EPHA8: variants seen among roughly 807,000 people sequenced by gnomAD.
EPHA8 encodes the protein EPH receptor A8, also known as ephrin type-A receptor 8.
Under a neutral mutation model 103.6 loss-of-function variants are expected in EPHA8, and 58 were observed. The observed-to-expected ratio is 0.56, with a 90% CI of 0.45 to 0.70. The LOEUF (loss-of-function observed/expected upper bound fraction) is 0.70, where lower values mean the gene tolerates loss of function less well. Ranked by LOEUF, EPHA8 falls within the 30% of genes least tolerant of loss-of-function variation. EPHA8 has a pLI of 0.00. For missense variants in EPHA8, 1,304 were observed against 1,395.2 expected (o/e 0.93, Z 1.04); for synonymous variants, 559 against 572.5 (o/e 0.98, Z 0.34).
chr1:22,579,271 CAG>C (rs907415863), intron 3 of EPHA8, among the ~76,000 whole-genome samples: 19 of 147,078 alleles, frequency 1.3e-4, no homozygotes, highest in East Asian at 4.1e-4. Flanking sequence ...GTGCATGTGT[CAG>C]AGTGTATATA....
intron 1 of EPHA8, among the ~76,000 whole-genome samples, chr1:22,565,120 C>T (rs777044264): frequency 3.3e-5 from 5 of 152,190 alleles, no homozygotes; most frequent in Non-Finnish European, 7.4e-5. Flanking sequence ...TGTACATGCA[C>T]GTACAGATGC....
rs1641597315 is a variant in EPHA8, at chr1:22,598,896, C to T, written c.2237C>T (p.Ala746Val). The change falls in exon 13 of 17, where the codon GCC becomes GTC. Residue 746 changes from alanine (A) to valine (V), a missense_variant. Transcript: ENST00000166244. This position sits in a 1 kb window ranked among gnomAD's most constrained non-coding sequence, Gnocchi z 5.1. ...GTGGGCATGCTGAGAGGAGTGGGTG[C>T]CGGCATGCGCTACCTCTCAGACCTG... Reference protein sequence around the residue: ...QLVGMLRGVGAGMRYLSDLGY... With the variant: ...QLVGMLRGVGVGMRYLSDLGY... 6.2e-7 allele frequency: 1 copy of T among 1,612,980 alleles called. No homozygotes were observed. The highest frequency in any genetic ancestry group is 8.5e-7 in the Non-Finnish European group (1 of 1,179,958).
At chr1:22,572,731 G>A (rs532591818) in intron 2 of EPHA8, among the ~76,000 whole-genome samples, 2 of 152,366 alleles carry the variant, frequency 1.3e-5, no homozygotes, top group Middle Eastern at 3.4e-3. Flanking sequence ...CAGCTGGTTC[G>A]CTGCATTCTG....
rs1275244865 is a variant in EPHA8 at position 22,589,813 on chromosome 1, C to A, written c.1315+607C>A. ...TCAAGTGACAGCGTGACCCAAGAGC[C>A]CTCCTAGGGCAGCTTCCTATTAACA... On this transcript the variant is annotated intron_variant, in intron 5 of 16. Coordinates refer to ENST00000166244, the MANE Select transcript of EPHA8 (RefSeq NM_020526.5). The surrounding 1 kb of genome is among the most constrained non-coding windows in gnomAD (Gnocchi z 4.3). Among the ~76,000 whole-genome samples, 1 of 151,992 alleles carries A rather than the reference C, an allele frequency of 6.6e-6. No homozygotes were observed. The highest frequency in any genetic ancestry group is 1.5e-5 in the Non-Finnish European group (1 of 67,980).
intron 3 of EPHA8, among the ~76,000 whole-genome samples, chr1:22,578,970 CAT>C (rs1182965116): frequency 6.5e-5 from 9 of 138,318 alleles, no homozygotes; most frequent in Non-Finnish European, 1.3e-4. Context: ...TGTGTATGTT[CAT>C]GTGTGTGAGT....
chr1:22,593,625 C>G lies in EPHA8; in HGVS notation c.1542C>G (p.Ala514=). The change falls in exon 7 of 17, where the codon GCC becomes GCG. Residue 514 remains alanine, a synonymous_variant. Transcript: ENST00000166244. The stretch of plus-strand genomic sequence containing the variant: ...CCCGCTACGTGTTCCAGGTCCGAGC[C>G]CGCACCTCAGCAGGCTGTGGCCGCT... ...PGTRYVFQVR[A]RTSAGCGRFS... 1 of 1,609,098 alleles carries G rather than the reference C, an allele frequency of 6.2e-7. No individual in the cohort carries two copies. The highest frequency in any genetic ancestry group is 8.5e-7 in the Non-Finnish European group (1 of 1,178,184).
intron 3 of EPHA8, among the ~76,000 whole-genome samples, chr1:22,578,167 T>TGC (rs1557559710): frequency 2.7e-5 from 2 of 73,368 alleles, no homozygotes; most frequent in Non-Finnish European, 6.1e-5. Context: ...TGCATGAGTG[T>TGC]ATGTGTGCAT....
intron 7 of EPHA8, among the ~76,000 whole-genome samples, chr1:22,594,287 A>T (rs1161610920): frequency 6.6e-6 from 1 of 152,242 alleles, no homozygotes; most frequent in African/African-American, 2.4e-5. Context: ...ATTTGCACAG[A>T]TGAAAAACCG....
rs1236090996 is a variant in EPHA8, at chr1:22,601,393, C to T, written c.2823C>T (p.Ser941=). The part of the protein sequence containing the change: ...GGLTVGDWLD[S]IRMGRYRDHF... Reference sequence around the variant, plus strand: ...TCACCGTGGGGGACTGGCTGGACTCCATCCGCATGGGCCGGTACCGAGACC... The same window carrying T: ...TCACCGTGGGGGACTGGCTGGACTCTATCCGCATGGGCCGGTACCGAGACC... Residue 941 remains serine, a synonymous_variant, in exon 16 of 17, where the codon TCC becomes TCT. Transcript: ENST00000166244. 6.2e-7 allele frequency: 1 copy of T among 1,611,526 alleles called. No individual in the cohort carries two copies. Among genetic ancestry groups the T allele is most frequent in the Non-Finnish European group, 8.5e-7 (1 of 1,179,762 alleles).
chr1:22,579,567 C>A (rs900530627), intron 3 of EPHA8, among the ~76,000 whole-genome samples: 28 of 152,174 alleles, frequency 1.8e-4, no homozygotes, highest in Admixed American at 1.5e-3. Flanking sequence ...GAACACTAAG[C>A]AAGCTTGTGT....
chr1:22,576,667 T>G lies in EPHA8; in HGVS notation c.610T>G (p.Cys204Gly). Residue 204 changes from cysteine to glycine, a missense_variant, in exon 3 of 17, where the codon TGC (cysteine) becomes GGC (glycine). Coordinates refer to ENST00000166244, the MANE Select transcript of EPHA8 (RefSeq NM_020526.5). The surrounding 1 kb of genome is among the most constrained non-coding windows in gnomAD (Gnocchi z 4.8). ...CTCTCTCCGCATCTACTATAAGAAGTGCCCTGCCATGGTGCGCAATCTGGC... is the reference window on the plus strand; with the variant it reads ...CTCTCTCCGCATCTACTATAAGAAGGGCCCTGCCATGGTGCGCAATCTGGC... ...ILSLRIYYKK[C>G]PAMVRNLAAF... 1 of 1,613,750 alleles carries G rather than the reference T, an allele frequency of 6.2e-7. No individual in the cohort carries two copies. Among genetic ancestry groups the G allele is most frequent in the Non-Finnish European group, 8.5e-7 (1 of 1,180,006 alleles).
chr1:22,600,093 GAGGA>G (rs1181804098), intron 13 of EPHA8, among the ~76,000 whole-genome samples: 2 of 117,900 alleles, frequency 1.7e-5, no homozygotes, highest in East Asian at 2.9e-4. Context: ...GGGAGGGAGG[GAGGA>G]AGGAGAGAAG....
At position 22,597,889 on chromosome 1, in the gene EPHA8, C is replaced by T. The variant is rs532569725; in HGVS notation, c.2116+28C>T. On this transcript the variant is annotated intron_variant, in intron 11 of 16. Transcript: ENST00000166244. The surrounding 1 kb of genome is among the most constrained non-coding windows in gnomAD (Gnocchi z 4.6). ...AGGTGCCGGGCAAAGACAGCCTCCC[C>T]CTGCAGTGCCCCTCCTGCCTGGAGA... The T allele has an allele frequency of 6.3e-7, 1 of 1,591,604 alleles. No homozygotes were observed. Among genetic ancestry groups the T allele is most frequent in the Admixed American group, 1.7e-5 (1 of 58,780 alleles).
Position 22,589,242 on chromosome 1 carries a change from C to T in EPHA8, c.1315+36C>T. 1 of 1,613,986 alleles carries T rather than the reference C, an allele frequency of 6.2e-7. No homozygotes were observed. Among genetic ancestry groups the T allele is most frequent in the South Asian group, 1.1e-5 (1 of 91,074 alleles). ...AAACTCCGTCCCGCAGCGTCCTGGTCCCCCAGCTTCCCCTGCCTCAGACCC... is the reference window on the plus strand; with the variant it reads ...AAACTCCGTCCCGCAGCGTCCTGGTTCCCCAGCTTCCCCTGCCTCAGACCC... On this transcript the variant is annotated intron_variant, in intron 5 of 16. Transcript: ENST00000166244. The surrounding 1 kb of genome is among the most constrained non-coding windows in gnomAD (Gnocchi z 4.3).
At position 22,597,416 on chromosome 1, in the gene EPHA8, C is replaced by T. The variant is rs1333072744; in HGVS notation, c.1870C>T (p.Arg624Cys). 2.7e-5 allele frequency: 43 copies of T among 1,613,416 alleles called. No homozygotes were observed. The highest frequency in any genetic ancestry group is 2.2e-4 in the East Asian group (10 of 44,888). Residue 624 changes from arginine to cysteine, a missense_variant, in exon 10 of 17, where the codon CGC becomes TGC. By Grantham distance (180) the Arg-to-Cys change is radical (BLOSUM62 -3). Transcript: ENST00000166244. The surrounding 1 kb of genome is among the most constrained non-coding windows in gnomAD (Gnocchi z 4.6). ...HTYEEPGRAG[R>C]SFTREIEASR... is the part of the protein sequence containing the mutation. ...CTACGAGGAGCCAGGCCGGGCGGGC[C>T]GCAGTTTCACTCGGGAGATCGAGGC...
At chr1:22,575,202 C>T (rs1293513963) in intron 2 of EPHA8, among the ~76,000 whole-genome samples, 3 of 152,206 alleles carry the variant, frequency 2.0e-5, no homozygotes, top group African/African-American at 4.8e-5. Context: ...CCACCTGCTT[C>T]GGCCTCCCAA....
intron 13 of EPHA8, among the ~76,000 whole-genome samples, chr1:22,599,725 AGGGAAGGAAGGAGG>A (rs1641640418): frequency 6.9e-4 from 1 of 1,442 alleles, no homozygotes; most frequent in African/African-American, 1.1e-3. Context: ...GAAGGGAGGG[AGGGAAGGAAGGAGG>A]GAGGGAGGAA....
At position 22,567,312 on chromosome 1, in the gene EPHA8, C is replaced by T. The variant is rs1010303410; in HGVS notation, c.95-1977C>T. ...TCTCCCCAAACTCGGCTTTGCTGGT[C>T]TGGGGGAAACTGCAGTGCGGCCCCC... On this transcript the variant is annotated intron_variant, in intron 1 of 16. Transcript: ENST00000166244. The surrounding 1 kb of genome is among the most constrained non-coding windows in gnomAD (Gnocchi z 4.2). Among the ~76,000 whole-genome samples the T allele has an allele frequency of 1.3e-5, 2 of 152,146 alleles. No homozygotes were observed. Among genetic ancestry groups the T allele is most frequent in the African/African-American group, 4.8e-5 (2 of 41,432 alleles).
In EPHA8 at chr1:22,596,107, C is replaced by T. The variant is rs774616715; in HGVS notation, c.1699C>T (p.His567Tyr). ...LLLLLICKKR[H>Y]CGYSKAFQDS... Reference sequence around the variant, plus strand: ...GCAGGGCGGTGCCCTCCTCTGCAGGCACTGTGGCTACAGCAAGGCCTTCCA... The same window carrying T: ...GCAGGGCGGTGCCCTCCTCTGCAGGTACTGTGGCTACAGCAAGGCCTTCCA... The change falls in exon 9 of 17, where the codon CAC (histidine) becomes TAC (tyrosine). Residue 567 changes from histidine to tyrosine, a missense_variant and splice_region_variant. Transcript: ENST00000166244. The T allele has an allele frequency of 4.3e-6, 7 of 1,613,826 alleles. No homozygotes were observed. In the East Asian group the frequency reaches 1.3e-4, roughly 31 times the overall value.
Sources: allele counts gnomAD v4.1 joint callset (sites outside exome capture counted in the v4.1 genomes callset), GRCh38; gene constraint gnomAD v4.1.1; non-coding constraint Gnocchi (gnomAD v3.1); transcripts MANE v1.5; gene names NCBI Gene and HGNC (gene_info 2026-07-23, HGNC 2026-07-21).